Variants in ACBD5 observed in about 807,000 individuals in gnomAD.
The protein encoded by ACBD5 is acyl-CoA-binding domain-containing protein 5.
ACBD5 carries 40 observed loss-of-function variants against 71.8 expected under a neutral mutation model. The ratio of observed to expected loss-of-function variants is 0.56; its 90% CI spans 0.43 to 0.72. The LOEUF is 0.72. Ranked by LOEUF, ACBD5 falls within the 30% of genes least tolerant of loss-of-function variation. The probability of loss-of-function intolerance (pLI) is 0.00; values close to 1 mark genes in which losing one functional copy is unlikely to be tolerated. For synonymous variants in ACBD5, 229 were observed against 218.6 expected (o/e 1.05, Z -0.42); for missense variants, 559 against 644.5 (o/e 0.87, Z 1.44).
At chr10:27,193,582 T>G (rs1047644085), downstream of ACBD5, 1 of 152,216 alleles carries the variant, frequency 6.6e-6, no homozygotes, top group African/African-American at 2.4e-5. Flanking sequence ...TGTGGGACTT[T>G]CAAGAAAGTT....
chr10:27,207,761 G>T (rs1246539205), intron 10 of ACBD5, among the ~76,000 whole-genome samples: 1 of 152,032 alleles, frequency 6.6e-6, no homozygotes, highest in Non-Finnish European at 1.5e-5. Flanking sequence ...TTGAGACAGA[G>T]TCTCACTCTG....
chr10:27,203,216 G>A lies in ACBD5; in HGVS notation c.1565+1224C>T, dbSNP rs1362633905. 3.9e-5 allele frequency among the ~76,000 whole-genome samples: 6 copies of A among 151,932 alleles called. No homozygotes were observed. The East Asian group carries it at 1.2e-3, about 29-fold the overall frequency. On this transcript the variant is annotated intron_variant, in intron 12 of 12. Coordinates refer to ENST00000396271, the MANE Select transcript of ACBD5 (RefSeq NM_145698.5). ...GCCCAGGCTGTTCTTGAATTCCTGG[G>A]CTCAAGCAATCCACCCATCTCAGCT... is the stretch of plus-strand genomic sequence containing the variant.
At chr10:27,237,324 T>C (rs971420455) in intron 2 of ACBD5, among the ~76,000 whole-genome samples, 3 of 152,198 alleles carry the variant, frequency 2.0e-5, no homozygotes, top group Non-Finnish European at 2.9e-5. Context: ...TCATATGTAT[T>C]TGAAATATTA....
intron 12 of ACBD5, among the ~76,000 whole-genome samples, chr10:27,201,573 C>A (rs888693035): frequency 6.6e-6 from 1 of 152,144 alleles, no homozygotes. Context: ...GAAGCCGAGG[C>A]GGCTGGATCA....
chr10:27,215,077 T>C (rs1183867951), intron 8 of ACBD5, among the ~76,000 whole-genome samples: 1 of 152,048 alleles, frequency 6.6e-6, no homozygotes, highest in East Asian at 1.9e-4. Context: ...GGCAGGAGAA[T>C]TGCTTGAACC....
intron 4 of ACBD5, among the ~76,000 whole-genome samples, chr10:27,225,906 C>A (rs2062952233): frequency 6.6e-6 from 1 of 152,028 alleles, no homozygotes; most frequent in Admixed American, 6.6e-5. Context: ...TAAAAGATCT[C>A]TTTCTTAACT....
intron 12 of ACBD5, among the ~76,000 whole-genome samples, chr10:27,199,102 C>G (rs2059652420): frequency 6.6e-6 from 1 of 151,560 alleles, no homozygotes; most frequent in Non-Finnish European, 1.5e-5. Context: ...CAGCAAGACT[C>G]TGTCTCAAAA....
intron 12 of ACBD5, among the ~76,000 whole-genome samples, chr10:27,203,888 C>T (rs73598046): frequency 0.076 from 11,600 of 152,110 alleles, 647 homozygotes; most frequent in South Asian, 0.18. Flanking sequence ...CCTCCTGCTT[C>T]GCCCTCCCCA....
chr10:27,204,383 T>G, intron 12 of ACBD5, 57 bp downstream of exon 12: 1 of 1,305,742 alleles, frequency 7.7e-7, no homozygotes, highest in South Asian at 1.2e-5. Flanking sequence ...CTGAAAACTC[T>G]GTCTACTATA....
chr10:27,196,310 A>G lies in ACBD5; in HGVS notation c.*1120T>C, dbSNP rs1310985868. On this transcript the variant is annotated 3_prime_UTR_variant, in exon 13 of 13. Transcript: ENST00000396271. The stretch of plus-strand genomic sequence containing the variant: ...AGGCATACAGGAAAAGTCTCCAAGG[A>G]TCTAAATTGTAGTCTTCTTTTTGGT... The G allele has an allele frequency of 2.2e-6, 1 of 454,018 alleles. No homozygotes were observed. The highest frequency in any genetic ancestry group is 4.4e-6 in the Non-Finnish European group (1 of 226,808). 28.1% of individuals were successfully genotyped at this position (454,018 alleles called of 1,614,324 possible).
At chr10:27,194,931 G>T (rs921582242), downstream of ACBD5, among the ~76,000 whole-genome samples, 1 of 152,124 alleles carries the variant, frequency 6.6e-6, no homozygotes, top group Non-Finnish European at 1.5e-5. Flanking sequence ...GAGAGGCGGA[G>T]GTTGCAGTGA....
At chr10:27,239,054 G>A (rs1213452010) in intron 2 of ACBD5, among the ~76,000 whole-genome samples, 8 of 152,080 alleles carry the variant, frequency 5.3e-5, no homozygotes, top group African/African-American at 7.2e-5. Context: ...AAAATTAGCC[G>A]GGCATGGTGA....
chr10:27,205,325 T>A, intron 10 of ACBD5, 77 bp from the exon 11 acceptor site: 2 of 1,466,358 alleles, frequency 1.4e-6, no homozygotes, highest in East Asian at 2.3e-5. Flanking sequence ...TATCTTTTTT[T>A]AAAAGGCAGA....
intron 13 of ACBD5, among the ~76,000 whole-genome samples, chr10:27,183,714 T>G (rs1033841476): frequency 6.6e-6 from 1 of 152,060 alleles, no homozygotes; most frequent in Non-Finnish European, 1.5e-5. Context: ...TTTCTTTCTT[T>G]TTTTGGTTTT....
At chr10:27,240,918 C>A (rs970209602), upstream of ACBD5, 8 of 630,932 alleles carry the variant, frequency 1.3e-5, no homozygotes, top group African/African-American at 1.1e-4. This position sits in a 1 kb window ranked among gnomAD's most constrained non-coding sequence, Gnocchi z 4.1. Flanking sequence ...GCGGCAAGGA[C>A]GCGCGCGGTC....
intron 13 of ACBD5, among the ~76,000 whole-genome samples, chr10:27,189,784 A>G (rs10829207): frequency 0.6 from 90,150 of 150,248 alleles, 27,304 homozygotes; most frequent in Non-Finnish European, 0.64. Context: ...ATATATATAT[A>G]TATAAATAAA....
At chr10:27,194,435 A>AC (rs370376085), downstream of ACBD5, among the ~76,000 whole-genome samples, 485 of 149,068 alleles carry the variant, frequency 3.3e-3, 2 homozygotes, top group African/African-American at 0.011. Context: ...ACATGGCAAA[A>AC]CCCCGTCTCT....
chr10:27,201,132 C>T (rs2059885817), intron 12 of ACBD5, among the ~76,000 whole-genome samples: 1 of 152,190 alleles, frequency 6.6e-6, no homozygotes, highest in African/African-American at 2.4e-5. Context: ...CACTACACTG[C>T]AGCCCAGGCA....
upstream of ACBD5, chr10:27,240,897 G>A: frequency 1.5e-6 from 1 of 680,322 alleles, no homozygotes; most frequent in Non-Finnish European, 2.4e-6. The surrounding 1 kb of genome is among the most constrained non-coding windows in gnomAD (Gnocchi z 4.1). Context: ...CCACCCACCC[G>A]ACCCGCCGCC....
Sources: gnomAD v4.1 joint callset for allele counts (sites outside exome capture counted in the v4.1 genomes callset) on GRCh38, gnomAD v4.1.1 for gene constraint, Gnocchi (gnomAD v3.1) non-coding constraint, MANE v1.5 for transcripts, NCBI Gene and HGNC (gene_info 2026-07-23, HGNC 2026-07-21) for gene names.